Variants in PARD3B observed in about 807,000 individuals in gnomAD.
PARD3B encodes par-3 family cell polarity regulator beta, also known as partitioning defective 3 homolog B.
A neutral mutation model predicts 130.2 loss-of-function variants in PARD3B; 103 were observed. The observed-to-expected ratio is 0.79, with a 90% CI of 0.67 to 0.93. The LOEUF is 0.93. Ranked by LOEUF, PARD3B falls within the 40% of genes least tolerant of loss-of-function variation. The pLI is 0.00. For missense variants in PARD3B, 1,609 were observed against 1,499.2 expected (o/e 1.07, Z -1.21); for synonymous variants, 583 against 553.2 (o/e 1.05, Z -0.76).
At position 205,121,462 on chromosome 2, in the gene PARD3B, A is replaced by T; in HGVS notation, c.807-129A>T. 1 of 813,292 alleles carries T rather than the reference A, an allele frequency of 1.2e-6. No homozygotes were observed. Among genetic ancestry groups the T allele is most frequent in the South Asian group, 1.7e-5 (1 of 58,766 alleles). 50.4% of individuals were successfully genotyped at this position (813,292 alleles called of 1,614,324 possible). ...GTATGTAGTTGGCAAAGTCATTCTG[A>T]TAGGAATATTGATCGTGTCTCCTAT... On this transcript the variant is annotated intron_variant, in intron 7 of 22. Transcript: ENST00000406610. This position sits in a 1 kb window ranked among gnomAD's most constrained non-coding sequence, Gnocchi z 5.0.
intron 21 of PARD3B, among the ~76,000 whole-genome samples, chr2:205,512,989 C>CTT (rs34921395): frequency 6.3e-4 from 90 of 143,350 alleles, no homozygotes; most frequent in South Asian, 4.2e-3. Flanking sequence ...TTTTTTCCTT[C>CTT]TTTTTTTTTT....
chr2:204,836,671 A>G (rs1184034194), intron 2 of PARD3B, among the ~76,000 whole-genome samples: 1 of 152,206 alleles, frequency 6.6e-6, no homozygotes, highest in East Asian at 1.9e-4. Context: ...CGAAAAAATA[A>G]TAATGATAAA....
At chr2:204,910,448 T>G (rs1215638574) in intron 2 of PARD3B, among the ~76,000 whole-genome samples, 2 of 152,162 alleles carry the variant, frequency 1.3e-5, no homozygotes, top group African/African-American at 4.8e-5. Context: ...ATTTTGATTC[T>G]GTACTTTCAA....
At chr2:205,124,520 G>A in intron 9 of PARD3B, 54 bp downstream of exon 9, 1 of 1,369,276 alleles carries the variant, frequency 7.3e-7, no homozygotes, top group Admixed American at 2.3e-5. Context: ...TTTAAATAAT[G>A]CCATTTAATT....
intron 18 of PARD3B, among the ~76,000 whole-genome samples, chr2:205,320,324 T>C (rs1336588604): frequency 2.0e-5 from 3 of 152,162 alleles, no homozygotes; most frequent in Non-Finnish European, 2.9e-5. Context: ...CCTTGAACAC[T>C]ACCTTGATCA....
chr2:204,584,105 T>C (rs139254894), intron 1 of PARD3B, among the ~76,000 whole-genome samples: 1 of 152,120 alleles, frequency 6.6e-6, no homozygotes, highest in Admixed American at 6.5e-5. Context: ...GTGAGGTGGT[T>C]TGTGCTCAGA....
intron 3 of PARD3B, among the ~76,000 whole-genome samples, chr2:205,023,390 G>A (rs953398122): frequency 2.7e-5 from 4 of 150,884 alleles, no homozygotes; most frequent in Non-Finnish European, 4.4e-5. Context: ...AGAAAGAGAA[G>A]GCTGAGGAGT....
intron 20 of PARD3B, among the ~76,000 whole-genome samples, chr2:205,483,043 G>T (rs1427148685): frequency 6.6e-6 from 1 of 152,096 alleles, no homozygotes; most frequent in Non-Finnish European, 1.5e-5. Flanking sequence ...TGCTGCTTCA[G>T]TGTAAATCTC....
intron 21 of PARD3B, among the ~76,000 whole-genome samples, chr2:205,511,834 G>A (rs2050600003): frequency 6.6e-6 from 1 of 152,280 alleles, no homozygotes; most frequent in Admixed American, 6.5e-5. Context: ...AGATCCTGTG[G>A]CCTGGGATGT....
In PARD3B at chr2:205,263,719, C is replaced by T. The variant is rs754653684; in HGVS notation, c.2185+17897C>T. Among the ~76,000 whole-genome samples, 2 of 150,908 alleles carry T rather than the reference C, an allele frequency of 1.3e-5. No individual in the cohort carries two copies. The highest frequency in any genetic ancestry group is 3.0e-5 in the Non-Finnish European group (2 of 67,582). ...GTACAAAAAAATCAACAAATTAGAT[C>T]TTCTGAAAATTAAAAATGTTTACTC... On this transcript the variant is annotated intron_variant, in intron 16 of 22. Coordinates refer to ENST00000406610, the MANE Select transcript of PARD3B (RefSeq NM_001302769.2). The surrounding 1 kb of genome is among the most constrained non-coding windows in gnomAD (Gnocchi z 4.0).
intron 3 of PARD3B, 111 bp downstream of exon 3, chr2:204,965,434 G>A: frequency 8.6e-7 from 1 of 1,164,184 alleles, no homozygotes; most frequent in South Asian, 1.5e-5. Flanking sequence ...TTTATATCGT[G>A]GTTTATCTTT....
intron 1 of PARD3B, among the ~76,000 whole-genome samples, chr2:204,665,658 A>T (rs2035991076): frequency 6.6e-6 from 1 of 152,198 alleles, no homozygotes; most frequent in Non-Finnish European, 1.5e-5. Context: ...CCTCATCTGT[A>T]AAATGAAGTA....
chr2:204,741,202 C>A, intron 2 of PARD3B, among the ~76,000 whole-genome samples: 1 of 152,002 alleles, frequency 6.6e-6, no homozygotes, highest in East Asian at 1.9e-4. Context: ...AGGCAGAAAA[C>A]ATTACTGATA....
chr2:204,575,193 T>G (rs1163869837), intron 1 of PARD3B, among the ~76,000 whole-genome samples: 1 of 152,218 alleles, frequency 6.6e-6, no homozygotes, highest in African/African-American at 2.4e-5. Flanking sequence ...TTGTTAAACA[T>G]GCATAATTTC....
intron 1 of PARD3B, among the ~76,000 whole-genome samples, chr2:204,614,295 A>G (rs1172149504): frequency 1.3e-5 from 2 of 152,102 alleles, no homozygotes; most frequent in African/African-American, 4.8e-5. Context: ...AACTAATATA[A>G]AAATCGAGCA....
intron 1 of PARD3B, among the ~76,000 whole-genome samples, chr2:204,679,549 G>A (rs959667794): frequency 4.6e-5 from 7 of 152,056 alleles, no homozygotes; most frequent in Non-Finnish European, 8.8e-5. Context: ...TTCAATCTAT[G>A]ATAGTCTTCT....
At chr2:205,017,834 G>A (rs1402590526) in intron 3 of PARD3B, among the ~76,000 whole-genome samples, 1 of 152,168 alleles carries the variant, frequency 6.6e-6, no homozygotes, top group Non-Finnish European at 1.5e-5. Context: ...ACCATTGACA[G>A]AACAGTGAGG....
At chr2:204,711,704 C>G (rs1162162901) in intron 2 of PARD3B, among the ~76,000 whole-genome samples, 1 of 151,954 alleles carries the variant, frequency 6.6e-6, no homozygotes, top group Admixed American at 6.6e-5. Context: ...CACCACCATG[C>G]CCAGCTAATA....
At chr2:205,250,539 A>G (rs2039797459) in intron 16 of PARD3B, among the ~76,000 whole-genome samples, 1 of 152,204 alleles carries the variant, frequency 6.6e-6, no homozygotes, top group Non-Finnish European at 1.5e-5. Flanking sequence ...GCAAGTACTC[A>G]TTAACAATCT....
Sources: gnomAD v4.1 joint callset for allele counts (sites outside exome capture counted in the v4.1 genomes callset) on GRCh38, gnomAD v4.1.1 for gene constraint, Gnocchi (gnomAD v3.1) non-coding constraint, MANE v1.5 for transcripts, NCBI Gene and HGNC (gene_info 2026-07-23, HGNC 2026-07-21) for gene names.